Variants in SPMIP4 observed in about 807,000 individuals in gnomAD.
SPMIP4 encodes sperm-associated microtubule inner protein 4.
the SPMIP4 span, among the ~76,000 whole-genome samples, chr7:25,176,864 GAGA>G: frequency 2.0e-5 from 3 of 152,156 alleles, no homozygotes; most frequent in East Asian, 1.9e-4. This position sits in a 1 kb window ranked among gnomAD's most constrained non-coding sequence, Gnocchi z 4.4. Context: ...TTGTAAACCG[GAGA>G]AGATCTGTGG....
the SPMIP4 span, among the ~76,000 whole-genome samples, chr7:25,132,986 G>C: frequency 6.6e-6 from 1 of 152,064 alleles, no homozygotes; most frequent in Non-Finnish European, 1.5e-5. The surrounding 1 kb of genome is among the most constrained non-coding windows in gnomAD (Gnocchi z 5.0). Flanking sequence ...ACACATAGTG[G>C]ACAAATTAAC....
chr7:25,143,760 T>C, the SPMIP4 span, among the ~76,000 whole-genome samples: 1 of 152,066 alleles, frequency 6.6e-6, no homozygotes, highest in African/African-American at 2.4e-5. Context: ...CCTGGCTTTT[T>C]CTTTAAAAAA....
chr7:25,129,316 T>C, the SPMIP4 span, among the ~76,000 whole-genome samples: 5 of 152,216 alleles, frequency 3.3e-5, no homozygotes, highest in African/African-American at 1.2e-4. Context: ...TTCTGGCTGC[T>C]TGGATGAATG....
At chr7:25,155,160 G>C in the SPMIP4 span, 1 of 1,577,010 alleles carries the variant, frequency 6.3e-7, no homozygotes, top group Middle Eastern at 1.7e-4. Flanking sequence ...TGTGTGGTAG[G>C]GGTGTTCAAT....
the SPMIP4 span, among the ~76,000 whole-genome samples, chr7:25,146,431 C>G: frequency 1.3e-5 from 2 of 152,146 alleles, no homozygotes; most frequent in Admixed American, 1.3e-4. Flanking sequence ...TGGAGAGGTG[C>G]ACTGTGGGCA....
the SPMIP4 span, among the ~76,000 whole-genome samples, chr7:25,167,851 A>C: frequency 6.6e-6 from 1 of 152,176 alleles, no homozygotes; most frequent in African/African-American, 2.4e-5. Flanking sequence ...AGAGTTGCTG[A>C]GTAACTTTAA....
chr7:25,149,600 GA>G, the SPMIP4 span, among the ~76,000 whole-genome samples: 3 of 152,114 alleles, frequency 2.0e-5, no homozygotes, highest in Non-Finnish European at 4.4e-5. Flanking sequence ...GCACTGTGGG[GA>G]TATACACATA....
the SPMIP4 span, among the ~76,000 whole-genome samples, chr7:25,139,677 T>C: frequency 6.6e-6 from 1 of 152,214 alleles, no homozygotes; most frequent in African/African-American, 2.4e-5. Context: ...GAGTAAATAC[T>C]GTGATGAAAA....
the SPMIP4 span, chr7:25,142,201 T>C: frequency 6.8e-7 from 1 of 1,477,976 alleles, no homozygotes; most frequent in Non-Finnish European, 9.5e-7. Flanking sequence ...AGCCCAGCAC[T>C]CTCCCCCAAA....
the SPMIP4 span, among the ~76,000 whole-genome samples, chr7:25,153,547 G>C: frequency 1.4e-5 from 2 of 143,392 alleles, no homozygotes; most frequent in African/African-American, 5.3e-5. Flanking sequence ...CTGGGCAACA[G>C]AGCAAGACTC....
chr7:25,163,298 T>C, the SPMIP4 span, among the ~76,000 whole-genome samples: 1 of 152,224 alleles, frequency 6.6e-6, no homozygotes, highest in Non-Finnish European at 1.5e-5. This position sits in a 1 kb window ranked among gnomAD's most constrained non-coding sequence, Gnocchi z 4.4. Flanking sequence ...TTAGGCAATT[T>C]TGGTTTTTTT....
chr7:25,155,007 T>C, the SPMIP4 span: 2 of 1,609,094 alleles, frequency 1.2e-6, no homozygotes, highest in Non-Finnish European at 1.7e-6. Flanking sequence ...AGGTCACATT[T>C]TACCTCTTGT....
chr7:25,161,213 CT>C, the SPMIP4 span: 10 of 1,561,928 alleles, frequency 6.4e-6, no homozygotes, highest in East Asian at 2.3e-5. Context: ...ATAGACATCA[CT>C]TTTTTTGTTC....
chr7:25,141,742 A>AATCTCTTTTTT, the SPMIP4 span, among the ~76,000 whole-genome samples: 1 of 151,894 alleles, frequency 6.6e-6, no homozygotes, highest in African/African-American at 2.4e-5. Flanking sequence ...GAAGAAAAGA[A>AATCTCTTTTTT]ATCTCTTTTT....
At chr7:25,155,716 C>A in the SPMIP4 span, among the ~76,000 whole-genome samples, 5 of 152,052 alleles carry the variant, frequency 3.3e-5, no homozygotes, top group Non-Finnish European at 5.9e-5. Context: ...ATACACAGTA[C>A]TGCTTCAAAA....
At chr7:25,159,294 C>T in the SPMIP4 span, among the ~76,000 whole-genome samples, 1 of 152,164 alleles carries the variant, frequency 6.6e-6, no homozygotes, top group African/African-American at 2.4e-5. Flanking sequence ...AAATGTTGCC[C>T]GGTCAGCAGA....
At chr7:25,164,087 C>G in the SPMIP4 span, among the ~76,000 whole-genome samples, 1 of 152,102 alleles carries the variant, frequency 6.6e-6, no homozygotes, top group Middle Eastern at 3.2e-3. Context: ...GGGACACGCT[C>G]TGAACCAGTG....
chr7:25,154,616 C>T, the SPMIP4 span, among the ~76,000 whole-genome samples: 1 of 152,208 alleles, frequency 6.6e-6, no homozygotes, highest in Non-Finnish European at 1.5e-5. Flanking sequence ...GCATCCACGT[C>T]CAGACTCTGT....
chr7:25,161,243 T>C, the SPMIP4 span: 1 of 1,553,414 alleles, frequency 6.4e-7, no homozygotes, highest in Non-Finnish European at 8.8e-7. Flanking sequence ...ATAATAAAAT[T>C]GTTCAACAGG....
Sources: gnomAD v4.1 joint callset for allele counts (sites outside exome capture counted in the v4.1 genomes callset) on GRCh38, gnomAD v4.1.1 for gene constraint, Gnocchi (gnomAD v3.1) non-coding constraint, MANE v1.5 for transcripts, NCBI Gene and HGNC (gene_info 2026-07-23, HGNC 2026-07-21) for gene names.